TTC3: variants seen among roughly 807,000 people sequenced by gnomAD.
TTC3 encodes tetratricopeptide repeat domain 3.
Under a neutral mutation model 249.6 loss-of-function variants are expected in TTC3, and 180 were observed. The observed-to-expected ratio is 0.72, with a 90% CI of 0.64 to 0.82. TTC3 has a LOEUF of 0.82. Among genes scored for constraint, TTC3 ranks in the 40% least tolerant of loss-of-function variants. The probability of loss-of-function intolerance (pLI) is 0.00; values close to 1 mark genes in which losing one functional copy is unlikely to be tolerated. For missense variants in TTC3, 2,061 were observed against 2,398.4 expected (o/e 0.86, Z 2.94); for synonymous variants, 717 against 805.0 (o/e 0.89, Z 1.85).
At chr21:37,152,901 A>G (rs765830092) in intron 26 of TTC3, 50 bp from the exon 27 acceptor site, 12 of 1,399,230 alleles carry the variant, frequency 8.6e-6, no homozygotes, top group Non-Finnish European at 9.5e-6. Flanking sequence ...AGTTTATGTA[A>G]TTGTGAATTA....
At chr21:37,196,383 T>G (rs1442200329) in intron 42 of TTC3, among the ~76,000 whole-genome samples, 1 of 151,996 alleles carries the variant, frequency 6.6e-6, no homozygotes, top group Non-Finnish European at 1.5e-5. Context: ...ATTATAGGCA[T>G]GCATGACTAA....
chr21:37,177,319 C>CAA (rs1183581936), intron 35 of TTC3, among the ~76,000 whole-genome samples: 1 of 152,130 alleles, frequency 6.6e-6, no homozygotes, highest in Non-Finnish European at 1.5e-5. Context: ...ACCCCACCGG[C>CAA]AAAAGCAGTC....
At chr21:37,153,250 G>T (rs746320789) in exon 27 of TTC3, 7 of 1,612,588 alleles carry the variant, frequency 4.3e-6, no homozygotes, top group African/African-American at 4.0e-5. Context: ...CAAATTAGCC[G>T]CCTGGATCCA....
chr21:37,165,952 G>C, exon 33 of TTC3: 3 of 1,614,170 alleles, frequency 1.9e-6, no homozygotes, highest in Non-Finnish European at 2.5e-6. Flanking sequence ...ATTCTCCCAA[G>C]CCAGCTTGTG....
At chr21:37,087,765 A>T (rs1262384138) in intron 2 of TTC3, 68 bp from the exon 3 acceptor site, 66 of 1,262,344 alleles carry the variant, frequency 5.2e-5, no homozygotes, top group Non-Finnish European at 5.5e-5. Context: ...GTTAGTTCTG[A>T]TAATCCTTAG....
chr21:37,081,172 C>T (rs1313331327), intron 1 of TTC3, among the ~76,000 whole-genome samples: 1 of 118,738 alleles, frequency 8.4e-6, no homozygotes, highest in East Asian at 2.8e-4. Flanking sequence ...GGCTGGAGTG[C>T]AGTGGCGCCA....
exon 33 of TTC3, chr21:37,166,325 T>G: frequency 6.2e-7 from 1 of 1,614,196 alleles, no homozygotes. Flanking sequence ...GGTGCCGTCT[T>G]TTGTAGCCAA....
chr21:37,141,035 G>A (rs1313915413), intron 20 of TTC3, among the ~76,000 whole-genome samples: 1 of 152,160 alleles, frequency 6.6e-6, no homozygotes, highest in East Asian at 1.9e-4. Flanking sequence ...TTAAAAATCT[G>A]TATGAAGATG....
intron 34 of TTC3, 76 bp from the exon 35 acceptor site, chr21:37,172,519 A>G: frequency 1.4e-6 from 2 of 1,448,026 alleles, no homozygotes; most frequent in Non-Finnish European, 1.8e-6. Context: ...GTTTATTTTA[A>G]GAAACAGTAA....
intron 17 of TTC3, 121 bp downstream of exon 17, chr21:37,132,887 T>C: frequency 3.0e-6 from 2 of 664,434 alleles, no homozygotes; most frequent in Non-Finnish European, 4.6e-6. Flanking sequence ...TGTATTATAT[T>C]GTAGTTTTGT....
chr21:37,196,128 A>T (rs1274121099), intron 42 of TTC3, 92 bp downstream of exon 42: 6 of 1,502,894 alleles, frequency 4.0e-6, no homozygotes, highest in Non-Finnish European at 5.4e-6. Flanking sequence ...AGGTGTTAAC[A>T]TGAAAAGGGT....
Position 37,147,620 on chromosome 21 carries a change from C to T in TTC3, c.2016+17C>T. On this transcript the variant is annotated intron_variant, in intron 22 of 45. Transcript: ENST00000355666. ...GACTTTAAGGTAAATAATGAGTGTA[C>T]AGTGGGACATTAACTTGCAAAATCA... 1 of 1,575,646 alleles carries T rather than the reference C, an allele frequency of 6.3e-7. No homozygotes were observed. Among genetic ancestry groups the T allele is most frequent in the Non-Finnish European group, 8.6e-7 (1 of 1,167,526 alleles).
chr21:37,121,817 G>T lies in TTC3; in HGVS notation c.901G>T (p.Gly301Cys). The change falls in exon 12 of 46, where the codon GGT (glycine) becomes TGT (cysteine). Residue 301 changes from glycine to cysteine, a missense_variant and splice_region_variant. Physicochemically the swap from Gly to Cys is radical, Grantham distance 159. Coordinates refer to ENST00000355666, the Ensembl canonical transcript of TTC3. ...AATTAAATTTATCTTTTTGGAACAG[G>T]GTCATTATCGTTATTGTGATGCTCT... 1 of 1,571,034 alleles carries T rather than the reference G, an allele frequency of 6.4e-7. No homozygotes were observed. The highest frequency in any genetic ancestry group is 8.6e-7 in the Non-Finnish European group (1 of 1,162,490).
At chr21:37,170,381 C>T (rs2081650984) in intron 34 of TTC3, among the ~76,000 whole-genome samples, 1 of 152,098 alleles carries the variant, frequency 6.6e-6, no homozygotes, top group Non-Finnish European at 1.5e-5. Context: ...AACAGATGCC[C>T]ACCCCACTTG....
At chr21:37,201,353 C>T (rs945163928) in intron 45 of TTC3, 87 bp from the exon 46 acceptor site, 12 of 1,571,446 alleles carry the variant, frequency 7.6e-6, no homozygotes, top group Non-Finnish European at 9.6e-6. Flanking sequence ...AAGTGAGCCA[C>T]GCCTGCCAAG....
chr21:37,088,029 T>C lies in TTC3; in HGVS notation c.187+154T>C, dbSNP rs1332069538. ...AAATCAGAACTTTTCTTTGTTAAAATAGAGTTTTTGCCAGCACTTAAATAT... is the reference window on the plus strand; with the variant it reads ...AAATCAGAACTTTTCTTTGTTAAAACAGAGTTTTTGCCAGCACTTAAATAT... On this transcript the variant is annotated intron_variant, in intron 3 of 45. Coordinates refer to ENST00000355666, the Ensembl canonical transcript of TTC3. The C allele has an allele frequency of 3.1e-6, 3 of 955,322 alleles. 1 individual carries two copies. Among genetic ancestry groups the C allele is most frequent in the South Asian group, 3.8e-5 (2 of 52,212 alleles). 59.2% of individuals were successfully genotyped at this position (955,322 alleles called of 1,614,324 possible). A position where few individuals can be genotyped will look rare whatever the true frequency, so the allele number is the denominator to read the frequency against.
At chr21:37,200,027 T>C (rs981353386) in intron 44 of TTC3, among the ~76,000 whole-genome samples, 1 of 152,260 alleles carries the variant, frequency 6.6e-6, no homozygotes, top group African/African-American at 2.4e-5. Flanking sequence ...ATTAGAACTT[T>C]ATACTTTTCT....
Position 37,165,806 on chromosome 21 carries a change from G to A in TTC3, c.3592G>A (p.Gly1198Arg), listed in dbSNP as rs747738636. The A allele has an allele frequency of 9.9e-6, 16 of 1,614,152 alleles. No homozygotes were observed. The highest frequency in any genetic ancestry group is 2.2e-5 in the East Asian group (1 of 44,884). The change falls in exon 33 of 46, where the codon GGG (glycine) becomes AGG (arginine). Residue 1198 changes from glycine to arginine, a missense_variant. Physicochemically the swap from Gly to Arg is moderately radical, Grantham distance 125. Transcript: ENST00000355666. The stretch of plus-strand genomic sequence containing the variant: ...AAAAGTAGAAGAAATTTCAAAAGCA[G>A]GGGAGTATGTACGAGTTAAACTACA...
At chr21:37,151,533 T>C (rs1180703550) in intron 25 of TTC3, among the ~76,000 whole-genome samples, 5 of 152,192 alleles carry the variant, frequency 3.3e-5, no homozygotes, top group Non-Finnish European at 7.4e-5. Flanking sequence ...ATTATTGAGA[T>C]GTGAAAATTA....
Sources: allele counts gnomAD v4.1 joint callset (sites outside exome capture counted in the v4.1 genomes callset), GRCh38; gene constraint gnomAD v4.1.1; transcripts MANE v1.5; gene names NCBI Gene and HGNC (gene_info 2026-07-23, HGNC 2026-07-21).